PPP2R2D: variants seen among roughly 807,000 people sequenced by gnomAD.
The protein encoded by PPP2R2D is serine/threonine-protein phosphatase 2A 55 kDa regulatory subunit B delta isoform.
PPP2R2D carries 9 observed loss-of-function variants against 31.1 expected under a neutral mutation model. The observed-to-expected ratio is 0.29, with a 90% CI of 0.17 to 0.51. PPP2R2D has a LOEUF of 0.51. PPP2R2D is among the 20% of genes least tolerant of loss of function. The probability of loss-of-function intolerance (pLI) is 0.98; values close to 1 mark genes in which losing one functional copy is unlikely to be tolerated. For missense variants in PPP2R2D, 391 were observed against 465.6 expected (o/e 0.84, Z 1.48); for synonymous variants, 179 against 172.6 (o/e 1.04, Z -0.29).
At chr10:131,925,227 C>T (rs1184119713) in intron 2 of PPP2R2D, among the ~76,000 whole-genome samples, 1 of 152,172 alleles carries the variant, frequency 6.6e-6, no homozygotes, top group African/African-American at 2.4e-5. Flanking sequence ...TGTCTTGTTC[C>T]TGCTTTTAGG....
chr10:131,939,174 C>T (rs2036398041), intron 3 of PPP2R2D, among the ~76,000 whole-genome samples: 1 of 31,610 alleles, frequency 3.2e-5, no homozygotes, highest in Non-Finnish European at 5.8e-5. Flanking sequence ...CAGACCTGCT[C>T]CAGAAAACAC....
At chr10:131,914,956 G>T (rs1554892867) in intron 2 of PPP2R2D, among the ~76,000 whole-genome samples, 1 of 152,138 alleles carries the variant, frequency 6.6e-6, no homozygotes, top group Non-Finnish European at 1.5e-5. Context: ...CTCGAAGGAG[G>T]AAGGTTTTTC....
rs1299383178 is a variant in PPP2R2D at position 131,945,039 on chromosome 10, TAGC to T, written c.656-251_656-249del. Among the ~76,000 whole-genome samples the T allele has an allele frequency of 6.6e-6, 1 of 152,284 alleles. No homozygotes were observed. Among genetic ancestry groups the T allele is most frequent in the Non-Finnish European group, 1.5e-5 (1 of 68,016 alleles). On this transcript the variant is annotated intron_variant, in intron 6 of 8. Coordinates refer to ENST00000455566, the MANE Select transcript of PPP2R2D (RefSeq NM_018461.5). The surrounding 1 kb of genome is among the most constrained non-coding windows in gnomAD (Gnocchi z 4.8). ...AGGGCTTTCTGTATAACATTAATAA[TAGC>T]AGCAAGATGAAAGCGGTGTTCGCTT...
At chr10:131,955,599 G>C in intron 8 of PPP2R2D, 85 bp from the exon 9 acceptor site, 1 of 1,225,968 alleles carries the variant, frequency 8.2e-7, no homozygotes, top group Non-Finnish European at 1.1e-6. Flanking sequence ...GGTGGCGTGC[G>C]CTGTGCACCC....
Position 131,909,830 on chromosome 10 carries a change from A to C in PPP2R2D, c.100+8500A>C, listed in dbSNP as rs926233839. Among the ~76,000 whole-genome samples the C allele has an allele frequency of 8.1e-4, 123 of 152,228 alleles. 2 individuals carry two copies. Among genetic ancestry groups the C allele is most frequent in the Non-Finnish European group, 1.6e-3 (112 of 68,052 alleles). ...TTGAAATTAAAACAGAACAACTTAC[A>C]ATATTTATTTTACTTTAAAAGAATC... On this transcript the variant is annotated intron_variant, in intron 2 of 8. Transcript: ENST00000455566.
the PPP2R2D span, chr10:131,968,917 C>A: frequency 5.1e-6 from 1 of 196,942 alleles, no homozygotes; most frequent in Non-Finnish European, 1.1e-5. Flanking sequence ...TCACCACCAG[C>A]CTCACCAAAG....
intron 8 of PPP2R2D, among the ~76,000 whole-genome samples, chr10:131,952,280 C>CGG (rs1554898956): frequency 1.5e-5 from 1 of 66,426 alleles, no homozygotes; most frequent in Admixed American, 2.2e-4. Flanking sequence ...TGCGGGTGTG[C>CGG]GGGGGTTCAC....
At chr10:131,935,088 G>A in intron 3 of PPP2R2D, 1 of 409,018 alleles carries the variant, frequency 2.4e-6, no homozygotes, top group Non-Finnish European at 5.0e-6. Flanking sequence ...GTGGGCCTTG[G>A]AGGAGCCCAC....
At chr10:131,918,416 CAT>C (rs2119797063) in intron 2 of PPP2R2D, among the ~76,000 whole-genome samples, 1 of 145,834 alleles carries the variant, frequency 6.9e-6, no homozygotes, top group Non-Finnish European at 1.5e-5. Context: ...AGGGATCTCA[CAT>C]GGGTGGAATG....
chr10:131,917,545 T>G (rs2035835277), intron 2 of PPP2R2D, among the ~76,000 whole-genome samples: 1 of 117,238 alleles, frequency 8.5e-6, no homozygotes, highest in African/African-American at 3.4e-5. Flanking sequence ...GCGGGTGGAA[T>G]GACACAGTGT....
rs1202079597 is a variant in PPP2R2D at position 131,945,702 on chromosome 10, C to G, written c.820+243C>G. The G allele has an allele frequency of 2.2e-6, 1 of 462,600 alleles. No individual in the cohort carries two copies. The highest frequency in any genetic ancestry group is 3.2e-5 in the South Asian group (1 of 31,468). The allele number at this position is 462,600 out of a possible 1,614,324, so 28.7% of individuals were successfully genotyped here. On this transcript the variant is annotated intron_variant, in intron 7 of 8. Transcript: ENST00000455566. The surrounding 1 kb of genome is among the most constrained non-coding windows in gnomAD (Gnocchi z 4.8). ...CTGACCTCAGGTGATCCCCCTACCT[C>G]GGCCTCCCAAAGTGCTGGGATTACA...
At chr10:131,950,782 C>T (rs2036622836) in intron 8 of PPP2R2D, among the ~76,000 whole-genome samples, 1 of 151,956 alleles carries the variant, frequency 6.6e-6, no homozygotes, top group Admixed American at 6.6e-5. Flanking sequence ...AAATTAGAGC[C>T]CTCACCAGCC....
chr10:131,968,398 G>C, the PPP2R2D span: 4 of 753,166 alleles, frequency 5.3e-6, no homozygotes, highest in Non-Finnish European at 8.8e-6. Context: ...AATTAGGAAC[G>C]CAGCATTTAC....
chr10:131,950,555 A>G (rs529949444), intron 8 of PPP2R2D, among the ~76,000 whole-genome samples: 6 of 152,236 alleles, frequency 3.9e-5, no homozygotes, highest in Non-Finnish European at 7.4e-5. Flanking sequence ...CTTGAAGTAG[A>G]TGCTCGTTCA....
At chr10:131,937,101 G>C (rs1430703117) in intron 3 of PPP2R2D, among the ~76,000 whole-genome samples, 1 of 152,236 alleles carries the variant, frequency 6.6e-6, no homozygotes, top group Non-Finnish European at 1.5e-5. Flanking sequence ...AATCGAAGGA[G>C]CGTGGAGGAT....
At chr10:131,923,727 A>T (rs996877836) in intron 2 of PPP2R2D, among the ~76,000 whole-genome samples, 8 of 152,042 alleles carry the variant, frequency 5.3e-5, no homozygotes, top group South Asian at 4.2e-4. Context: ...ATATATATAT[A>T]TTTTTGGAAA....
chr10:131,901,038 G>GCGGCGGCGGCGGCGGCGC lies in PPP2R2D; in HGVS notation c.-103_-102insGCGGCGGCGCCGGCGGCG, dbSNP rs1554891360. On this transcript the variant is annotated 5_prime_UTR_variant, in exon 1 of 9. Coordinates refer to ENST00000455566, the MANE Select transcript of PPP2R2D (RefSeq NM_018461.5). ...TCCCTCCCCGGCGGCGGCGGCGGCG[G>GCGGCGGCGGCGGCGGCGC]CGGCGGCGCCGGCGGTGGTGGCGGC... 1 of 159,036 alleles carries GCGGCGGCGGCGGCGGCGC rather than the reference G, an allele frequency of 6.3e-6. No individual in the cohort carries two copies. Among genetic ancestry groups the GCGGCGGCGGCGGCGGCGC allele is most frequent in the Admixed American group, 6.6e-5 (1 of 15,080 alleles). The allele number at this position is 159,036 out of a possible 1,614,324, so 9.9% of individuals were successfully genotyped here. A position where few individuals can be genotyped will look rare whatever the true frequency, so the allele number is the denominator to read the frequency against.
intron 2 of PPP2R2D, among the ~76,000 whole-genome samples, chr10:131,916,716 C>T (rs2035791988): frequency 6.8e-6 from 1 of 147,238 alleles, no homozygotes; most frequent in Non-Finnish European, 1.5e-5. Flanking sequence ...TTGTAGGGAC[C>T]TCAGGCAGGC....
At chr10:131,954,994 G>A (rs114959702) in intron 8 of PPP2R2D, among the ~76,000 whole-genome samples, 1 of 152,232 alleles carries the variant, frequency 6.6e-6, no homozygotes, top group Non-Finnish European at 1.5e-5. Flanking sequence ...TGTAGAAAAT[G>A]TAAGATTGCA....
Sources: gnomAD v4.1 joint callset for allele counts (sites outside exome capture counted in the v4.1 genomes callset) on GRCh38, gnomAD v4.1.1 for gene constraint, Gnocchi (gnomAD v3.1) non-coding constraint, MANE v1.5 for transcripts, NCBI Gene and HGNC (gene_info 2026-07-23, HGNC 2026-07-21) for gene names.